GALNT13: variants seen among roughly 807,000 people sequenced by gnomAD.
GALNT13 encodes polypeptide N-acetylgalactosaminyltransferase 13.
GALNT13 carries 28 observed loss-of-function variants against 64.2 expected under a neutral mutation model. The observed-to-expected ratio is 0.44, with a 90% CI of 0.32 to 0.60. The LOEUF is 0.60. GALNT13 is among the 20% of genes least tolerant of loss of function. The pLI is 0.05. For missense variants in GALNT13, 577 were observed against 669.8 expected (o/e 0.86, Z 1.53); for synonymous variants, 214 against 224.6 (o/e 0.95, Z 0.42).
At chr2:153,159,526 T>C in the GALNT13 span, 1 of 152,518 alleles carries the variant, frequency 6.6e-6, no homozygotes, top group Non-Finnish European at 1.5e-5. Flanking sequence ...AGGTAAAGAA[T>C]CACCTGTACT....
chr2:153,710,034 G>T, the GALNT13 span, among the ~76,000 whole-genome samples: 1 of 152,086 alleles, frequency 6.6e-6, no homozygotes, highest in South Asian at 2.1e-4. Context: ...TCAGGCAGAA[G>T]AAATAATTTC....
At chr2:154,438,932 G>A (rs930585458) in intron 12 of GALNT13, among the ~76,000 whole-genome samples, 1 of 152,060 alleles carries the variant, frequency 6.6e-6, no homozygotes, top group African/African-American at 2.4e-5. Flanking sequence ...AAATATGAAT[G>A]AGGACAATAA....
chr2:154,098,587 C>T (rs1293801224), intron 3 of GALNT13, among the ~76,000 whole-genome samples: 2 of 151,904 alleles, frequency 1.3e-5, no homozygotes, highest in East Asian at 3.9e-4. Context: ...TTTTTCAACC[C>T]TTATAGGTAC....
chr2:153,636,319 T>G, the GALNT13 span, among the ~76,000 whole-genome samples: 2 of 152,104 alleles, frequency 1.3e-5, no homozygotes, highest in African/African-American at 4.8e-5. Context: ...ATACTACATT[T>G]TAAAAAATTA....
chr2:154,209,482 C>A (rs774686767), intron 4 of GALNT13, among the ~76,000 whole-genome samples: 1 of 152,164 alleles, frequency 6.6e-6, no homozygotes, highest in South Asian at 2.1e-4. Flanking sequence ...GAATTGAATT[C>A]AGTTTTCACT....
At chr2:154,197,774 A>T (rs1303188336) in intron 4 of GALNT13, among the ~76,000 whole-genome samples, 1 of 152,068 alleles carries the variant, frequency 6.6e-6, no homozygotes, top group Non-Finnish European at 1.5e-5. Context: ...TAAGCAGAAG[A>T]TATGTGTAGC....
the GALNT13 span, among the ~76,000 whole-genome samples, chr2:153,601,605 T>C: frequency 5.9e-5 from 9 of 151,608 alleles, no homozygotes; most frequent in African/African-American, 2.2e-4. Flanking sequence ...TTCCACATGG[T>C]CACTCCTGTT....
At chr2:153,475,178 C>A in the GALNT13 span, among the ~76,000 whole-genome samples, 1 of 152,168 alleles carries the variant, frequency 6.6e-6, no homozygotes, top group Non-Finnish European at 1.5e-5. Context: ...CACATTGCCT[C>A]ATCTATAAAA....
rs181330032 is a variant in GALNT13, at chr2:153,874,143, T to A, written c.-177+1840T>A. On this transcript the variant is annotated intron_variant, in intron 1 of 12. Transcript: ENST00000392825. ...TTCTTTCCCCACGTCTCCTGCAGAA[T>A]AAGAACCTTCATATTGAAACCCTGT... Among the ~76,000 whole-genome samples, 13 of 129,834 alleles carry A rather than the reference T, an allele frequency of 1.0e-4. No homozygotes were observed. The East Asian group carries it at 1.2e-3, about 12-fold the overall frequency. 85.2% of individuals were successfully genotyped at this position (129,834 alleles called of 152,430 possible). A position where few individuals can be genotyped will look rare whatever the true frequency, so the allele number is the denominator to read the frequency against.
intron 9 of GALNT13, among the ~76,000 whole-genome samples, chr2:154,324,853 T>A (rs1015926048): frequency 6.6e-6 from 1 of 152,112 alleles, no homozygotes. Context: ...TAGGTGGAAA[T>A]TCTTCTGCCT....
the GALNT13 span, among the ~76,000 whole-genome samples, chr2:153,627,963 T>C: frequency 4.6e-5 from 7 of 152,184 alleles, no homozygotes; most frequent in African/African-American, 1.7e-4. Context: ...TTTCACGATA[T>C]TGATTCTTCC....
chr2:154,084,546 C>A (rs1701431970), intron 3 of GALNT13, among the ~76,000 whole-genome samples: 1 of 151,836 alleles, frequency 6.6e-6, no homozygotes. Context: ...TGTAAAACTG[C>A]TTACTACAAT....
the GALNT13 span, among the ~76,000 whole-genome samples, chr2:153,163,153 T>G: frequency 2.6e-4 from 40 of 152,334 alleles, no homozygotes; most frequent in African/African-American, 9.1e-4. Flanking sequence ...TTGGATTATA[T>G]TTTCCATTTC....
At chr2:154,251,508 A>C (rs1057476130) in intron 7 of GALNT13, among the ~76,000 whole-genome samples, 4 of 152,120 alleles carry the variant, frequency 2.6e-5, no homozygotes, top group African/African-American at 9.7e-5. Context: ...AGAACATTAT[A>C]TTTTTCTTAT....
At chr2:153,195,372 T>C in the GALNT13 span, among the ~76,000 whole-genome samples, 1 of 152,072 alleles carries the variant, frequency 6.6e-6, no homozygotes, top group East Asian at 1.9e-4. Context: ...GAGTCAAACA[T>C]TGAGCAGCCA....
intron 7 of GALNT13, 88 bp from the exon 8 acceptor site, chr2:154,258,933 A>G (rs1023126186): frequency 2.9e-6 from 2 of 692,442 alleles, no homozygotes; most frequent in Admixed American, 2.6e-5. Flanking sequence ...AATATTTAGA[A>G]TGTCTCAAAA....
chr2:153,417,393 T>C, the GALNT13 span, among the ~76,000 whole-genome samples: 1 of 152,178 alleles, frequency 6.6e-6, no homozygotes, highest in Admixed American at 6.5e-5. Context: ...ATTTAACTTA[T>C]GCTTTCACTT....
At chr2:154,150,271 A>T (rs1683907231) in intron 4 of GALNT13, among the ~76,000 whole-genome samples, 2 of 152,140 alleles carry the variant, frequency 1.3e-5, no homozygotes, top group Non-Finnish European at 2.9e-5. Flanking sequence ...CATCCCAGGG[A>T]TGAAGCCCAC....
At chr2:154,143,054 G>A (rs1476165803) in intron 4 of GALNT13, among the ~76,000 whole-genome samples, 1 of 152,132 alleles carries the variant, frequency 6.6e-6, no homozygotes, top group Non-Finnish European at 1.5e-5. Flanking sequence ...CTGGGGACCA[G>A]TTTTGTGGAA....
Sources: allele counts gnomAD v4.1 joint callset (sites outside exome capture counted in the v4.1 genomes callset), GRCh38; gene constraint gnomAD v4.1.1; transcripts MANE v1.5; gene names NCBI Gene and HGNC (gene_info 2026-07-23, HGNC 2026-07-21).